The following TBL1X variants were observed in gnomAD, a reference collection of about 807,000 sequenced individuals.
TBL1X encodes F-box-like/WD repeat-containing protein TBL1X.
In TBL1X, 10 loss-of-function variants were observed where a neutral mutation model predicts 50.7. That is an observed-to-expected ratio of 0.20 (90% CI 0.12 to 0.33). The LOEUF is 0.33. Ranked by LOEUF, TBL1X falls within the 10% of genes least tolerant of loss-of-function variation. The pLI is 1.00. For missense variants in TBL1X, 340 were observed against 504.4 expected (o/e 0.67, Z 3.12); for synonymous variants, 190 against 214.7 (o/e 0.88, Z 1.01).
chrX:9,530,116 G>A (rs1301405417), intron 2 of TBL1X, among the ~76,000 whole-genome samples: 2 of 111,476 alleles, frequency 1.8e-5, no homozygotes, highest in African/African-American at 6.5e-5. Context: ...CTAAAAAGAC[G>A]ATTTAAAAAA....
At chrX:9,676,883 A>G (rs1268198216) in intron 5 of TBL1X, among the ~76,000 whole-genome samples, 5 of 112,262 alleles carry the variant, frequency 4.5e-5, no homozygotes, top group South Asian at 7.4e-4. Context: ...TTTACATATG[A>G]TAAGAACTGC....
intron 2 of TBL1X, among the ~76,000 whole-genome samples, chrX:9,570,687 T>G (rs1462631730): frequency 6.1e-5 from 6 of 98,601 alleles, no homozygotes; most frequent in Admixed American, 1.1e-4. Flanking sequence ...TGTTTTTTTT[T>G]TTTTTTTTGA....
intron 5 of TBL1X, among the ~76,000 whole-genome samples, chrX:9,654,591 C>G (rs972205268): frequency 6.3e-5 from 7 of 111,343 alleles, no homozygotes; most frequent in Non-Finnish European, 1.3e-4. Flanking sequence ...AGGACGGAAG[C>G]AGTGCGGGGC....
intron 2 of TBL1X, among the ~76,000 whole-genome samples, chrX:9,590,456 G>A (rs992874946): frequency 1.8e-5 from 2 of 111,424 alleles, no homozygotes; most frequent in Non-Finnish European, 3.8e-5. Flanking sequence ...TTAACTTTTT[G>A]GTTGGTGTCG....
intron 1 of TBL1X, among the ~76,000 whole-genome samples, chrX:9,472,232 A>G (rs1019261879): frequency 2.7e-5 from 3 of 109,525 alleles, no homozygotes; most frequent in African/African-American, 1.0e-4. Flanking sequence ...AAAGAAGCTT[A>G]TTGTACATGG....
At chrX:9,523,257 C>T (rs1255217882) in intron 2 of TBL1X, among the ~76,000 whole-genome samples, 3 of 111,819 alleles carry the variant, frequency 2.7e-5, no homozygotes, top group Admixed American at 9.5e-5. Context: ...GCCTCTGCCC[C>T]GCTTGAAAGA....
At chrX:9,652,667 G>A (rs1206405438) in intron 3 of TBL1X, among the ~76,000 whole-genome samples, 2 of 111,032 alleles carry the variant, frequency 1.8e-5, no homozygotes, top group Non-Finnish European at 3.8e-5. Context: ...CACCAGCCTG[G>A]GTAAAACCTT....
chrX:9,548,171 A>T (rs953202668), intron 2 of TBL1X, among the ~76,000 whole-genome samples: 28 of 110,220 alleles, frequency 2.5e-4, no homozygotes, highest in Admixed American at 2.0e-4. Context: ...TACCAATTTG[A>T]TAATGTAAGT....
chrX:9,704,543 TAGAA>T (rs1293727088), intron 12 of TBL1X, among the ~76,000 whole-genome samples: 4 of 111,433 alleles, frequency 3.6e-5, no homozygotes, highest in Non-Finnish European at 5.7e-5. Context: ...TTTAAGGTCT[TAGAA>T]AGAGACTGTG....
intron 2 of TBL1X, among the ~76,000 whole-genome samples, chrX:9,629,535 G>C (rs942880774): frequency 2.7e-5 from 3 of 112,371 alleles, no homozygotes; most frequent in Non-Finnish European, 3.7e-5. Flanking sequence ...AGAGAGCACT[G>C]TGAATATTTC....
chrX:9,589,724 T>C (rs5934654), intron 2 of TBL1X, among the ~76,000 whole-genome samples: 37,856 of 110,775 alleles, frequency 0.34, 4,797 homozygotes, highest in East Asian at 0.67. Context: ...ACTATTTAAA[T>C]TATACACTGA....
At chrX:9,623,827 A>G (rs2082679316) in intron 2 of TBL1X, among the ~76,000 whole-genome samples, 2 of 112,213 alleles carry the variant, frequency 1.8e-5, no homozygotes, top group South Asian at 3.7e-4. Flanking sequence ...CAAGCTGTCC[A>G]CCTAATTACT....
At position 9,692,245 on chromosome X, in the gene TBL1X, G is replaced by C. The variant is rs148306368; in HGVS notation, c.882G>C (p.Leu294=). 2.4e-4 allele frequency: 287 copies of C among 1,178,360 alleles called. 1 individual carries two copies. Among genetic ancestry groups the C allele is most frequent in the Admixed American group, 7.8e-4 (31 of 39,559 alleles). ...CGAGTAACAAAGACGTCACCTCACT[G>C]GACTGGAATGTAAGCATCTTCCACC... ...DVPSNKDVTS[L]DWNTNGTLLA... Residue 294 remains leucine (L), a synonymous_variant, in exon 9 of 18, where the codon CTG becomes CTC. Coordinates refer to ENST00000645353, the MANE Select transcript of TBL1X (RefSeq NM_005647.4).
chrX:9,502,199 A>T (rs770634992), intron 2 of TBL1X, among the ~76,000 whole-genome samples: 2 of 113,143 alleles, frequency 1.8e-5, no homozygotes, highest in South Asian at 7.2e-4. Flanking sequence ...GGAGTAAAAT[A>T]GAATGTATTA....
At chrX:9,676,049 T>C (rs2082992214) in intron 5 of TBL1X, among the ~76,000 whole-genome samples, 1 of 112,336 alleles carries the variant, frequency 8.9e-6, no homozygotes, top group African/African-American at 3.2e-5. Context: ...CCCAAAGTCA[T>C]ATCTTGACTT....
At chrX:9,583,760 A>G (rs2082454148) in intron 2 of TBL1X, among the ~76,000 whole-genome samples, 1 of 111,781 alleles carries the variant, frequency 8.9e-6, no homozygotes, top group Admixed American at 9.5e-5. Flanking sequence ...GCATTTAGTA[A>G]TTATAGTTCG....
intron 5 of TBL1X, among the ~76,000 whole-genome samples, chrX:9,681,089 A>G (rs1040832612): frequency 1.8e-5 from 2 of 111,971 alleles, no homozygotes; most frequent in African/African-American, 3.3e-5. Context: ...CAGCCAAAAC[A>G]TGTACTCAAC....
intron 2 of TBL1X, among the ~76,000 whole-genome samples, chrX:9,549,756 C>T (rs1040415648): frequency 8.9e-6 from 1 of 111,890 alleles, no homozygotes; most frequent in Non-Finnish European, 1.9e-5. Context: ...AAGTTGTTCT[C>T]GCTGTACAGA....
At chrX:9,695,171 A>G (rs2083124227) in intron 11 of TBL1X, among the ~76,000 whole-genome samples, 2 of 111,219 alleles carry the variant, frequency 1.8e-5, no homozygotes, top group Non-Finnish European at 3.8e-5. Context: ...AGACTTCTCC[A>G]TGGTTGCTTT....
Sources: gnomAD v4.1 joint callset for allele counts (sites outside exome capture counted in the v4.1 genomes callset) on GRCh38, gnomAD v4.1.1 for gene constraint, MANE v1.5 for transcripts, NCBI Gene and HGNC (gene_info 2026-07-23, HGNC 2026-07-21) for gene names.